The following SMIM17 variants were observed in gnomAD, a reference collection of about 807,000 sequenced individuals.
The protein encoded by SMIM17 is small integral membrane protein 17.
Under a neutral mutation model 12.2 loss-of-function variants are expected in SMIM17, and 10 were observed. The ratio of observed to expected loss-of-function variants is 0.82; its 90% confidence interval spans 0.50 to 1.39. The LOEUF is 1.39. Ranked by LOEUF, SMIM17 falls within the 40% of genes most tolerant of loss-of-function variation. SMIM17 has a pLI of 0.00. For missense variants in SMIM17, 136 were observed against 118.2 expected, an observed-to-expected ratio of 1.15 and a Z score of -0.70; for synonymous variants, 50 against 44.1, an observed-to-expected ratio of 1.13 and a Z score of -0.53.
At position 56,656,166 on chromosome 19, in the gene SMIM17, G is replaced by C. The variant is rs893304359; in HGVS notation, c.*953G>C. On this transcript the variant is annotated 3_prime_UTR_variant, in exon 4 of 4. Coordinates refer to ENST00000598409, the MANE Select transcript of SMIM17 (RefSeq NM_001193628.2). ...TCACCGTGTTAGCCAGGATGGTCTC[G>C]ATCTCCTGACCTCGTGATCCGCCCG... Among the ~76,000 whole-genome samples, 6 of 151,772 alleles carry C rather than the reference G, an allele frequency of 4.0e-5. No individual in the cohort carries two copies. Among genetic ancestry groups the C allele is most frequent in the Admixed American group, 6.6e-5 (1 of 15,234 alleles).
In SMIM17 at chr19:56,655,761, A is replaced by C. The variant is rs563470175; in HGVS notation, c.*548A>C. The C allele has an allele frequency of 6.5e-6, 1 of 153,118 alleles. No individual in the cohort carries two copies. The highest frequency in any genetic ancestry group is 1.5e-5 in the Non-Finnish European group (1 of 68,640). The allele number at this position is 153,118 out of a possible 1,614,324, so 9.5% of individuals were successfully genotyped here. On this transcript the variant is annotated 3_prime_UTR_variant, in exon 4 of 4. Coordinates refer to ENST00000598409, the MANE Select transcript of SMIM17 (RefSeq NM_001193628.2). ...AACTTTTACCTTTTCTATGCTTTTC[A>C]ATAGTTTCTGTAGCTTAGGAAGTAT... is the stretch of plus-strand genomic sequence containing the variant.
intron 3 of SMIM17, among the ~76,000 whole-genome samples, chr19:56,649,537 G>T (rs558956270): frequency 1.3e-5 from 2 of 152,172 alleles, no homozygotes; most frequent in South Asian, 2.1e-4. Context: ...TGGGGCTGGG[G>T]GTTGCTATTT....
At chr19:56,651,991 C>A (rs565002497) in intron 3 of SMIM17, among the ~76,000 whole-genome samples, 1 of 151,250 alleles carries the variant, frequency 6.6e-6, no homozygotes, top group East Asian at 2.0e-4. Flanking sequence ...GTAATCCCAG[C>A]TACTCAGGAG....
At position 56,656,538 on chromosome 19, in the gene SMIM17, CTTT is replaced by C. The variant is rs1301341195; in HGVS notation, c.*1326_*1328del. ...GCATTTATTTTTTATTGTTTTTCTTCTTTGTCTCAGTTTTTATACTGAATACTT... is the reference window on the plus strand; with the variant it reads ...GCATTTATTTTTTATTGTTTTTCTTCGTCTCAGTTTTTATACTGAATACTT... On this transcript the variant is annotated 3_prime_UTR_variant, in exon 4 of 4. Coordinates refer to ENST00000598409, the MANE Select transcript of SMIM17 (RefSeq NM_001193628.2). 1.3e-5 allele frequency among the ~76,000 whole-genome samples: 2 copies of C among 151,644 alleles called. No homozygotes were observed. Among genetic ancestry groups the C allele is most frequent in the South Asian group, 2.1e-4 (1 of 4,814 alleles).
At chr19:56,653,010 C>T (rs1359225078) in intron 3 of SMIM17, among the ~76,000 whole-genome samples, 1 of 152,204 alleles carries the variant, frequency 6.6e-6, no homozygotes, top group Non-Finnish European at 1.5e-5. Context: ...GTATTTATTA[C>T]ATTTTCTTAA....
At chr19:56,655,020 A>G in intron 3 of SMIM17, 83 bp from the exon 4 acceptor site, 1 of 553,718 alleles carries the variant, frequency 1.8e-6, no homozygotes, top group Non-Finnish European at 3.2e-6. Context: ...TTCATTTCTG[A>G]TCATATAAGT....
At chr19:56,648,676 T>G (rs1322860801) in intron 3 of SMIM17, among the ~76,000 whole-genome samples, 1 of 152,014 alleles carries the variant, frequency 6.6e-6, no homozygotes, top group Admixed American at 6.5e-5. Context: ...ACCAATCCAT[T>G]CACCCATCCA....
chr19:56,643,685 G>T (rs927205743), intron 1 of SMIM17, among the ~76,000 whole-genome samples: 8 of 152,168 alleles, frequency 5.3e-5, no homozygotes, highest in Admixed American at 3.9e-4. Context: ...CGGTGGGAGC[G>T]CAGGCTCTCA....
chr19:56,646,694 T>A (rs1456884607), intron 2 of SMIM17, among the ~76,000 whole-genome samples: 2 of 151,556 alleles, frequency 1.3e-5, no homozygotes, highest in Non-Finnish European at 2.9e-5. Flanking sequence ...AAGACAGAGG[T>A]GAGGTAAGTG....
chr19:56,647,830 C>T (rs997365608), intron 3 of SMIM17, among the ~76,000 whole-genome samples, 196 bp downstream of exon 3: 1 of 151,888 alleles, frequency 6.6e-6, no homozygotes, highest in Non-Finnish European at 1.5e-5. Flanking sequence ...TTCACATGTA[C>T]CCTCCAACAC....
In SMIM17 at chr19:56,647,263, G is replaced by A. The variant is rs559152314; in HGVS notation, c.170-295G>A. On this transcript the variant is annotated intron_variant, in intron 2 of 3. Transcript: ENST00000598409. ...AGACTCAAGTGGCAGGGCACATCAG[G>A]TGACCCAGTTGAAGTTTTCTAGGTA... Among the ~76,000 whole-genome samples the A allele has an allele frequency of 1.1e-3, 164 of 152,178 alleles. 1 individual carries two copies. The highest frequency in any genetic ancestry group is 3.4e-3 in the Middle Eastern group (1 of 294).
intron 3 of SMIM17, among the ~76,000 whole-genome samples, chr19:56,649,401 T>C (rs578187014): frequency 2.0e-5 from 3 of 152,150 alleles, no homozygotes; most frequent in Non-Finnish European, 2.9e-5. Context: ...CCTGCCTTCA[T>C]GGAGCTCACA....
At chr19:56,647,944 A>G (rs2045077085) in intron 3 of SMIM17, among the ~76,000 whole-genome samples, 1 of 150,640 alleles carries the variant, frequency 6.6e-6, no homozygotes, top group African/African-American at 2.4e-5. Flanking sequence ...CTTTCCAATC[A>G]CTCATCCATT....
intron 3 of SMIM17, among the ~76,000 whole-genome samples, chr19:56,653,243 G>T (rs778101562): frequency 1.8e-4 from 27 of 152,068 alleles, no homozygotes; most frequent in Non-Finnish European, 3.5e-4. Flanking sequence ...GATTAGTTTT[G>T]CTTGTTGTTG....
At chr19:56,650,735 C>T (rs765923370) in intron 3 of SMIM17, among the ~76,000 whole-genome samples, 2 of 152,040 alleles carry the variant, frequency 1.3e-5, no homozygotes, top group Admixed American at 1.3e-4. Flanking sequence ...ACCTGTGGAA[C>T]GTAAAAGGTG....
chr19:56,648,831 A>G (rs2045087838), intron 3 of SMIM17, among the ~76,000 whole-genome samples: 1 of 152,260 alleles, frequency 6.6e-6, no homozygotes, highest in African/African-American at 2.4e-5. Flanking sequence ...TATCAATATA[A>G]GAAAACCAGT....
intron 1 of SMIM17, among the ~76,000 whole-genome samples, chr19:56,645,281 TTA>T (rs1302451575): frequency 1.3e-5 from 2 of 151,674 alleles, no homozygotes; most frequent in African/African-American, 2.4e-5. Context: ...GTGGATGTGT[TTA>T]TGTTTGTATG....
Position 56,655,205 on chromosome 19 carries a change from C to T in SMIM17, c.349C>T (p.His117Tyr), listed in dbSNP as rs779060450. The T allele has an allele frequency of 5.7e-6, 4 of 701,888 alleles. No homozygotes were observed. The highest frequency in any genetic ancestry group is 3.0e-5 in the South Asian group (2 of 67,444). 43.5% of individuals were successfully genotyped at this position (701,888 alleles called of 1,614,324 possible). Reference protein sequence around the residue: ...LVLTGMPMMFHI With the variant: ...LVLTGMPMMFYI The stretch of plus-strand genomic sequence containing the variant: ...TTTAACGGGGATGCCTATGATGTTT[C>T]ACATTTAACTATAATGGTGGCTGTT... Residue 117 changes from histidine (H) to tyrosine (Y), a missense_variant, in exon 4 of 4, where the codon CAC becomes TAC. Physicochemically the swap from His to Tyr is moderately conservative, Grantham distance 83. Coordinates refer to ENST00000598409, the MANE Select transcript of SMIM17 (RefSeq NM_001193628.2).
At position 56,645,550 on chromosome 19, in the gene SMIM17, T is replaced by C. The variant is rs1175823438; in HGVS notation, c.-100-18T>C. The stretch of plus-strand genomic sequence containing the variant: ...TGGCCCTCTGTAATGATTCACTGAA[T>C]GATGAAATGTCCATCAGTCCTCAGG... On this transcript the variant is annotated intron_variant, in intron 1 of 3. Transcript: ENST00000598409. The C allele has an allele frequency of 4.2e-6, 4 of 942,668 alleles. No homozygotes were observed. In the East Asian group the frequency reaches 8.9e-5, roughly 21 times the overall value. The allele number at this position is 942,668 out of a possible 1,614,324, so 58.4% of individuals were successfully genotyped here.
Sources: allele counts gnomAD v4.1 joint callset (sites outside exome capture counted in the v4.1 genomes callset), GRCh38; gene constraint gnomAD v4.1.1; transcripts MANE v1.5; gene names NCBI Gene and HGNC (gene_info 2026-07-23, HGNC 2026-07-21).